LRRC4B: variants seen among roughly 807,000 people sequenced by gnomAD.
LRRC4B encodes the protein leucine rich repeat containing 4B, also known as leucine-rich repeat-containing protein 4B.
Under a neutral mutation model 7.3 loss-of-function variants are expected in LRRC4B, and 1 was observed. The observed-to-expected ratio is 0.14, with a 90% CI of 0.05 to 0.65. LRRC4B has a LOEUF of 0.65. Ranked by LOEUF, LRRC4B falls within the 30% of genes least tolerant of loss-of-function variation. The probability of loss-of-function intolerance (pLI) is 0.84; values close to 1 mark genes in which losing one functional copy is unlikely to be tolerated. For missense variants in LRRC4B, 730 were observed against 1,041.6 expected, an observed-to-expected ratio of 0.70 and a Z score of 4.12; for synonymous variants, 500 against 499.2, an observed-to-expected ratio of 1.00 and a Z score of -0.02.
rs61745055 is a variant in LRRC4B at position 50,518,816 on chromosome 19, G to A, written c.897C>T (p.Pro299=). The change falls in exon 3 of 3, where the codon CCC becomes CCT. Residue 299 remains proline, a synonymous_variant. Transcript: ENST00000652263. ...LMSLPHDLFT[P]LHRLERVHLN... Reference sequence around the variant, plus strand: ...GGTGCACGCGCTCGAGGCGGTGCAGGGGCGTGAAGAGGTCGTGGGGCAGCG... The same window carrying A: ...GGTGCACGCGCTCGAGGCGGTGCAGAGGCGTGAAGAGGTCGTGGGGCAGCG... 18,814 of 1,614,094 alleles carry A rather than the reference G, an allele frequency of 0.012. 164 individuals are homozygous for A. The highest frequency in any genetic ancestry group is 0.025 in the Middle Eastern group (154 of 6,062).
chr19:50,525,598 T>TG (rs1166616381), intron 2 of LRRC4B, among the ~76,000 whole-genome samples: 2 of 143,884 alleles, frequency 1.4e-5, no homozygotes, highest in Non-Finnish European at 3.1e-5. Context: ...TTTTTTTTTT[T>TG]AGTAGAGACG....
At position 50,556,312 on chromosome 19, in the gene LRRC4B, G is replaced by C. The variant is rs926101788; in HGVS notation, c.-35-7439C>G. Among the ~76,000 whole-genome samples the C allele has an allele frequency of 2.0e-5, 3 of 151,824 alleles. No homozygotes were observed. Among genetic ancestry groups the C allele is most frequent in the African/African-American group, 7.3e-5 (3 of 41,320 alleles). On this transcript the variant is annotated intron_variant, in intron 1 of 2. Transcript: ENST00000652263. The surrounding 1 kb of genome is among the most constrained non-coding windows in gnomAD (Gnocchi z 4.2). ...GGGGTGAGGTGGTGACTTGCTTGGA[G>C]GGGGGCTGTCCTTTCCCGTGCAGCC...
chr19:50,532,330 C>G (rs180985515), intron 2 of LRRC4B, among the ~76,000 whole-genome samples: 14 of 152,350 alleles, frequency 9.2e-5, no homozygotes, highest in African/African-American at 2.6e-4. Context: ...TCTACACTGG[C>G]TGTCAGAATG....
intron 1 of LRRC4B, among the ~76,000 whole-genome samples, chr19:50,561,792 T>C (rs906638838): frequency 5.3e-5 from 8 of 150,834 alleles, no homozygotes; most frequent in Middle Eastern, 3.5e-3. Flanking sequence ...AACCTAATTA[T>C]TGTGATTATT....
intron 1 of LRRC4B, among the ~76,000 whole-genome samples, chr19:50,564,855 G>A (rs1982574646): frequency 7.3e-6 from 1 of 137,762 alleles, no homozygotes; most frequent in South Asian, 2.3e-4. Context: ...GTTCCGGAAG[G>A]GACTGAGGAT....
At chr19:50,544,536 AAAAAT>A (rs1981716372) in intron 2 of LRRC4B, among the ~76,000 whole-genome samples, 1 of 151,642 alleles carries the variant, frequency 6.6e-6, no homozygotes. Context: ...AAATATAAAT[AAAAAT>A]AAAAAAATAA....
intron 2 of LRRC4B, among the ~76,000 whole-genome samples, chr19:50,526,859 T>TC (rs1412605270): frequency 6.7e-6 from 1 of 150,114 alleles, no homozygotes; most frequent in Non-Finnish European, 1.5e-5. Context: ...TCTTTTACTT[T>TC]TTTTTTTTTT....
At chr19:50,564,162 G>C (rs2122935004) in intron 1 of LRRC4B, among the ~76,000 whole-genome samples, 2 of 152,268 alleles carry the variant, frequency 1.3e-5, no homozygotes, top group East Asian at 3.9e-4. Flanking sequence ...GTGGGGAGTG[G>C]TGGCCCTTTG....
intron 1 of LRRC4B, among the ~76,000 whole-genome samples, chr19:50,567,683 C>T (rs1204923697): frequency 6.7e-6 from 1 of 149,080 alleles, no homozygotes; most frequent in Non-Finnish European, 1.5e-5. Flanking sequence ...GACGCACCCC[C>T]CACAACCTGT....
rs573597497 is a variant in LRRC4B, at chr19:50,548,813, C to G, written c.26G>C (p.Cys9Ser). MARARGSP[C>S]PPLPPGRMSW... ...CATCCTACCGGGCGGCAGCGGGGGG[C>G]ACGGGGAGCCGCGGGCACGCGCCAT... The change falls in exon 2 of 3, where the codon TGC becomes TCC. Residue 9 changes from cysteine (C) to serine (S), a missense_variant. Coordinates refer to ENST00000652263, the MANE Select transcript of LRRC4B (RefSeq NM_001080457.2). The surrounding 1 kb of genome is among the most constrained non-coding windows in gnomAD (Gnocchi z 6.8). 2.0e-6 allele frequency: 3 copies of G among 1,502,346 alleles called. No homozygotes were observed. The African/African-American group carries it at 4.2e-5, about 21-fold the overall frequency. The allele number at this position is 1,502,346 out of a possible 1,614,324, so 93.1% of individuals were successfully genotyped here.
At chr19:50,547,156 T>A (rs964137084) in intron 2 of LRRC4B, among the ~76,000 whole-genome samples, 2 of 152,122 alleles carry the variant, frequency 1.3e-5, no homozygotes, top group African/African-American at 2.4e-5. Context: ...ACTAGGGAGA[T>A]GCAGGGCAGA....
At chr19:50,525,025 G>A (rs1401448992) in intron 2 of LRRC4B, among the ~76,000 whole-genome samples, 5 of 152,228 alleles carry the variant, frequency 3.3e-5, no homozygotes, top group African/African-American at 9.6e-5. Flanking sequence ...AGGGCTGGCC[G>A]GAGCCTGCGC....
intron 2 of LRRC4B, among the ~76,000 whole-genome samples, chr19:50,547,595 G>A (rs553942881): frequency 4.0e-5 from 6 of 150,426 alleles, no homozygotes; most frequent in African/African-American, 1.5e-4. Context: ...TGATCCCCTG[G>A]GAATCACTGG....
At chr19:50,539,305 G>A (rs1981441508) in intron 2 of LRRC4B, among the ~76,000 whole-genome samples, 1 of 152,208 alleles carries the variant, frequency 6.6e-6, no homozygotes, top group Admixed American at 6.5e-5. Context: ...GAGGCACATG[G>A]CAAGCCCATG....
At chr19:50,565,525 T>TTGTG (rs1982598679) in intron 1 of LRRC4B, among the ~76,000 whole-genome samples, 1 of 98,038 alleles carries the variant, frequency 1.0e-5, no homozygotes, top group African/African-American at 4.7e-5. Flanking sequence ...CTGTGTGCTC[T>TTGTG]CGTGTGTGTG....
chr19:50,521,352 C>T (rs961226953), intron 2 of LRRC4B, among the ~76,000 whole-genome samples: 4 of 151,998 alleles, frequency 2.6e-5, no homozygotes, highest in Admixed American at 1.3e-4. Flanking sequence ...GGTTACATGA[C>T]GGAAAGCGAC....
At chr19:50,544,325 T>G (rs1437690103) in intron 2 of LRRC4B, among the ~76,000 whole-genome samples, 2 of 150,938 alleles carry the variant, frequency 1.3e-5, no homozygotes, top group African/African-American at 2.4e-5. Flanking sequence ...GCTAACACAG[T>G]GAAACCTCAT....
chr19:50,562,739 TTTG>T (rs1358079668), intron 1 of LRRC4B, among the ~76,000 whole-genome samples: 1 of 128,756 alleles, frequency 7.8e-6, no homozygotes, highest in Non-Finnish European at 1.7e-5. Flanking sequence ...GGTTTTTTTT[TTTG>T]TTTTTTTTTT....
At chr19:50,558,876 G>A (rs1428502222) in intron 1 of LRRC4B, among the ~76,000 whole-genome samples, 1 of 152,222 alleles carries the variant, frequency 6.6e-6, no homozygotes, top group Non-Finnish European at 1.5e-5. Flanking sequence ...AAGCCAGGGA[G>A]ATCACAGCTG....
Sources: gnomAD v4.1 joint callset for allele counts (sites outside exome capture counted in the v4.1 genomes callset) on GRCh38, gnomAD v4.1.1 for gene constraint, Gnocchi (gnomAD v3.1) non-coding constraint, MANE v1.5 for transcripts, NCBI Gene and HGNC (gene_info 2026-07-23, HGNC 2026-07-21) for gene names.